The following MYO10 variants were observed in gnomAD, a reference collection of about 807,000 sequenced individuals.
MYO10 encodes myosin X.
Under a neutral mutation model 257.3 loss-of-function variants are expected in MYO10, and 133 were observed. That is an observed-to-expected ratio of 0.52 (90% CI 0.45 to 0.60). The LOEUF (loss-of-function observed/expected upper bound fraction) is 0.60. Ranked by LOEUF, MYO10 falls within the 20% of genes least tolerant of loss-of-function variation. The pLI is 0.00. For synonymous variants in MYO10, 1,104 were observed against 1,028.6 expected (o/e 1.07, Z -1.40); for missense variants, 2,399 against 2,635.7 (o/e 0.91, Z 1.97).
chr5:16,732,254 G>C (rs1739614011), intron 19 of MYO10, among the ~76,000 whole-genome samples: 1 of 152,074 alleles, frequency 6.6e-6, no homozygotes. Flanking sequence ...GAAGGAAGGA[G>C]GGATGGAGAG....
chr5:16,747,460 T>C (rs1296407051), intron 19 of MYO10, among the ~76,000 whole-genome samples: 3 of 152,294 alleles, frequency 2.0e-5, no homozygotes, highest in South Asian at 2.1e-4. Context: ...CACCTATAAA[T>C]AGTCTGGACC....
At chr5:16,838,004 C>G (rs185891112) in intron 2 of MYO10, among the ~76,000 whole-genome samples, 3 of 152,226 alleles carry the variant, frequency 2.0e-5, no homozygotes, top group East Asian at 3.9e-4. Flanking sequence ...GACAGTGAAC[C>G]TAATGTGTGT....
intron 39 of MYO10, among the ~76,000 whole-genome samples, chr5:16,668,809 G>A (rs27889): frequency 0.43 from 65,672 of 151,944 alleles, 14,529 homozygotes; most frequent in Non-Finnish European, 0.49. Context: ...GGGACTTAAG[G>A]AAGCTTCCCT....
In MYO10 at chr5:16,760,369, G is replaced by C. The variant is rs1438995057; in HGVS notation, c.1739+1095C>G. Among the ~76,000 whole-genome samples, 12 of 151,064 alleles carry C rather than the reference G, an allele frequency of 7.9e-5. 1 individual carries two copies. Among genetic ancestry groups the C allele is most frequent in the Admixed American group, 7.9e-4 (12 of 15,126 alleles). On this transcript the variant is annotated intron_variant, in intron 17 of 40. Transcript: ENST00000513610. ...CCAGCTACTCGGGAGGCTGAGGCAG[G>C]AGAATGGCGTGAACCTGGGAGGTGG... is the stretch of plus-strand genomic sequence containing the variant.
At chr5:16,873,271 T>G (rs983086205) in intron 2 of MYO10, among the ~76,000 whole-genome samples, 1 of 152,046 alleles carries the variant, frequency 6.6e-6, no homozygotes, top group African/African-American at 2.4e-5. Context: ...TGGGGCAAAT[T>G]TTAAAGCTCC....
At chr5:16,756,959 G>C (rs951756995) in intron 18 of MYO10, among the ~76,000 whole-genome samples, 1 of 151,426 alleles carries the variant, frequency 6.6e-6, no homozygotes, top group Non-Finnish European at 1.5e-5. Context: ...AAATTAGCCG[G>C]GTATGAAAAA....
intron 6 of MYO10, among the ~76,000 whole-genome samples, chr5:16,781,183 G>A (rs1000624873): frequency 2.6e-5 from 4 of 151,600 alleles, no homozygotes; most frequent in African/African-American, 7.3e-5. Context: ...GGGTTCAAGC[G>A]ATTCTCCTGT....
In MYO10 at chr5:16,710,966, G is replaced by A. The variant is rs764152071; in HGVS notation, c.2111C>T (p.Thr704Met). 15 of 1,613,852 alleles carry A rather than the reference G, an allele frequency of 9.3e-6. No individual in the cohort carries two copies. Among genetic ancestry groups the A allele is most frequent in the Admixed American group, 3.3e-5 (2 of 60,006 alleles). The part of the protein sequence containing the change: ...ALPEDVRGKC[T>M]SLLQLYDASN... Reference sequence around the variant, plus strand: ...GGCATCATAGAGCTGCAGCAGGCTCGTGCACTTCCCTCGGACGTCCTCAGG... The same window carrying A: ...GGCATCATAGAGCTGCAGCAGGCTCATGCACTTCCCTCGGACGTCCTCAGG... The change falls in exon 21 of 41, where the codon ACG becomes ATG. Residue 704 changes from threonine to methionine, a missense_variant. This residue lies in a region of MYO10 where 1,820 missense variants were observed against 1,939.4 expected (regional missense o/e 0.94). Transcript: ENST00000513610.
chr5:16,930,883 C>T (rs774106148), intron 1 of MYO10, among the ~76,000 whole-genome samples: 1 of 152,142 alleles, frequency 6.6e-6, no homozygotes, highest in Non-Finnish European at 1.5e-5. Context: ...CAGACTTCAC[C>T]GGAGGCTCAT....
At chr5:16,698,391 A>G (rs1196433569) in intron 26 of MYO10, among the ~76,000 whole-genome samples, 1 of 152,168 alleles carries the variant, frequency 6.6e-6, no homozygotes, top group Non-Finnish European at 1.5e-5. Flanking sequence ...AGATAAATAA[A>G]TAGTAAATAA....
At chr5:16,779,736 T>C in intron 8 of MYO10, 88 bp from the exon 9 acceptor site, 1 of 724,106 alleles carries the variant, frequency 1.4e-6, no homozygotes. Flanking sequence ...AGTATATATA[T>C]ATAATTCTGT....
At chr5:16,713,581 T>C in intron 19 of MYO10, 1 of 822,258 alleles carries the variant, frequency 1.2e-6, no homozygotes, top group Non-Finnish European at 1.5e-6. Context: ...AGGAGCGGCC[T>C]CGAGATCCAG....
intron 19 of MYO10, among the ~76,000 whole-genome samples, chr5:16,724,718 A>C (rs1386333309): frequency 6.7e-6 from 1 of 148,288 alleles, no homozygotes; most frequent in African/African-American, 2.6e-5. Flanking sequence ...TTTCCCCACT[A>C]ACTAATTTGT....
chr5:16,822,743 A>G (rs1428204639), intron 2 of MYO10, among the ~76,000 whole-genome samples: 6 of 147,450 alleles, frequency 4.1e-5, no homozygotes, highest in Non-Finnish European at 5.9e-5. Flanking sequence ...GCTGGAGTGC[A>G]GTGGCACAAT....
rs748781463 is a variant in MYO10 at position 16,817,978 on chromosome 5, T to A, written c.279+31A>T. ...ATAAGCATTCACTCAAACGTGAGGA[T>A]CTTTTTAAAGGAATTACAAGTGGAA... On this transcript the variant is annotated intron_variant, in intron 3 of 40. Coordinates refer to ENST00000513610, the MANE Select transcript of MYO10 (RefSeq NM_012334.3). 5 of 1,454,400 alleles carry A rather than the reference T, an allele frequency of 3.4e-6. No homozygotes were observed. The South Asian group carries it at 7.2e-5, about 21-fold the overall frequency. The allele number at this position is 1,454,400 out of a possible 1,614,324, so 90.1% of individuals were successfully genotyped here.
intron 3 of MYO10, among the ~76,000 whole-genome samples, chr5:16,816,197 G>A (rs1313673979): frequency 1.3e-5 from 2 of 151,682 alleles, no homozygotes; most frequent in African/African-American, 2.4e-5. Flanking sequence ...AAATTAGCTG[G>A]GCGTGGTAGC....
intron 39 of MYO10, 57 bp from the exon 40 acceptor site, chr5:16,668,525 C>G: frequency 7.0e-7 from 1 of 1,419,780 alleles, no homozygotes; most frequent in East Asian, 2.4e-5. Context: ...CAACAGAAAG[C>G]ATCTAAACCA....
chr5:16,668,331 C>T lies in MYO10; in HGVS notation c.6021G>A (p.Ala2007=), dbSNP rs376568357. The T allele has an allele frequency of 5.6e-5, 91 of 1,613,846 alleles. No individual in the cohort carries two copies. The African/African-American group carries it at 9.1e-4, about 16-fold the overall frequency. Residue 2007 remains alanine (A), a synonymous_variant, in exon 40 of 41, where the codon GCG becomes GCA. Coordinates refer to ENST00000513610, the MANE Select transcript of MYO10 (RefSeq NM_012334.3). ...CATCGACCACGATCTTATACGTATT[C>T]GCCAGGGGTGCCCCAAAAGAGAGGA... ...EHILSFGAPL[A]NTYKIVVDER...
At chr5:16,747,315 T>G (rs1215926122) in intron 19 of MYO10, among the ~76,000 whole-genome samples, 1 of 152,170 alleles carries the variant, frequency 6.6e-6, no homozygotes, top group African/African-American at 2.4e-5. Flanking sequence ...GAGAAAAGCA[T>G]GCCAAAAATA....
Sources: gnomAD v4.1 joint callset for allele counts (sites outside exome capture counted in the v4.1 genomes callset) on GRCh38, gnomAD v4.1.1 for gene constraint, gnomAD v4.1.1 regional missense constraint, MANE v1.5 for transcripts, NCBI Gene and HGNC (gene_info 2026-07-23, HGNC 2026-07-21) for gene names.